Variants in NWD2 observed in about 807,000 individuals in gnomAD.
The protein encoded by NWD2 is NACHT and WD repeat domain containing 2.
A neutral mutation model predicts 132.7 loss-of-function variants in NWD2; 37 were observed. The observed-to-expected ratio is 0.28, with a 90% CI of 0.21 to 0.37. The LOEUF is 0.37. Ranked by LOEUF, NWD2 falls within the 10% of genes least tolerant of loss-of-function variation. The pLI, the probability that NWD2 is intolerant of heterozygous loss-of-function variation, is 1.00. For synonymous variants in NWD2, 705 were observed against 803.0 expected, an observed-to-expected ratio of 0.88 and a Z score of 2.06; for missense variants, 1,592 against 2,122.4, an observed-to-expected ratio of 0.75 and a Z score of 4.91.
chr4:37,403,078 A>T (rs1720927750), intron 3 of NWD2, among the ~76,000 whole-genome samples: 1 of 152,088 alleles, frequency 6.6e-6, no homozygotes, highest in Admixed American at 6.6e-5. Flanking sequence ...CTAGAAGAAA[A>T]GGTGTGGAGA....
chr4:37,348,136 G>T (rs28438951), intron 2 of NWD2, among the ~76,000 whole-genome samples: 2 of 152,094 alleles, frequency 1.3e-5, no homozygotes, highest in Admixed American at 6.6e-5. Context: ...TAAGGATCTC[G>T]AACTAAGAAG....
chr4:37,262,015 T>C (rs531123646), intron 1 of NWD2, among the ~76,000 whole-genome samples: 13 of 152,310 alleles, frequency 8.5e-5, no homozygotes, highest in African/African-American at 3.1e-4. Context: ...GGAAAGTAGA[T>C]GGAGACAAAG....
At position 37,394,808 on chromosome 4, in the gene NWD2, T is replaced by TGTTTTGTTTTG. The variant is rs374102660; in HGVS notation, c.358-35764_358-35763insGTTTTGTTTTG. 1.7e-3 allele frequency among the ~76,000 whole-genome samples: 160 copies of TGTTTTGTTTTG among 95,586 alleles called. 6 individuals carry two copies. Among genetic ancestry groups the TGTTTTGTTTTG allele is most frequent in the East Asian group, 3.5e-3 (11 of 3,144 alleles). The allele number at this position is 95,586 out of a possible 152,430, so 62.7% of individuals were successfully genotyped here. A position where few individuals can be genotyped will look rare whatever the true frequency, so the allele number is the denominator to read the frequency against. On this transcript the variant is annotated intron_variant, in intron 3 of 6. Coordinates refer to ENST00000309447, the MANE Select transcript of NWD2 (RefSeq NM_001144990.2). Reference sequence around the variant, plus strand: ...ATAGTGAACCTTTATGGTTTTTTTTTTTTTTTTTTTTTTTTTTTTTGAGGC... The same window carrying TGTTTTGTTTTG: ...ATAGTGAACCTTTATGGTTTTTTTTTGTTTTGTTTTGTTTTTTTTTTTTTTTTTTTTGAGGC...
intron 3 of NWD2, among the ~76,000 whole-genome samples, chr4:37,415,489 G>T (rs948872410): frequency 3.3e-5 from 5 of 152,112 alleles, no homozygotes; most frequent in African/African-American, 1.2e-4. Flanking sequence ...TGGATCACGA[G>T]GTCAGGAAAT....
chr4:37,382,452 C>T (rs754972002), intron 3 of NWD2, among the ~76,000 whole-genome samples: 5 of 152,148 alleles, frequency 3.3e-5, no homozygotes, highest in Non-Finnish European at 5.9e-5. Flanking sequence ...CATCACAAGA[C>T]ATGACATTGA....
intron 1 of NWD2, among the ~76,000 whole-genome samples, chr4:37,316,480 TG>T (rs1718960231): frequency 6.6e-6 from 1 of 152,140 alleles, no homozygotes; most frequent in African/African-American, 2.4e-5. Flanking sequence ...TTATCCTAGT[TG>T]GGTTCTTGAA....
intron 1 of NWD2, among the ~76,000 whole-genome samples, chr4:37,309,961 T>G (rs1718796292): frequency 6.6e-6 from 1 of 152,194 alleles, no homozygotes; most frequent in South Asian, 2.1e-4. Flanking sequence ...GATAACATCT[T>G]TCAAGTTTTC....
chr4:37,267,384 G>A (rs956259417), intron 1 of NWD2, among the ~76,000 whole-genome samples: 3 of 151,958 alleles, frequency 2.0e-5, no homozygotes, highest in East Asian at 1.9e-4. Flanking sequence ...AGAGAAGAGA[G>A]TGCTGAGGAG....
chr4:37,444,292 AG>A lies in NWD2; in HGVS notation c.2309del (p.Gly770AlafsTer13). The A allele has an allele frequency of 6.4e-7, 1 of 1,551,678 alleles. No homozygotes were observed. Among genetic ancestry groups the A allele is most frequent in the Non-Finnish European group, 8.7e-7 (1 of 1,146,938 alleles). ...CAGATTATTTTCTGGGGGTTTGGTC[AG>A]GGGGCAGGAGGAAAGCCTTCTGCCT... Reference protein sequence around the residue: ...LADYFLGVWSGGRRKAFCLED... With the variant: ...LADYFLGVWSXGRRKAFCLED... On this transcript the variant is annotated frameshift_variant, in exon 7 of 7. Transcript: ENST00000309447. LOFTEE classifies it high-confidence loss of function. This position sits in a 1 kb window ranked among gnomAD's most constrained non-coding sequence, Gnocchi z 4.8.
At chr4:37,433,743 G>C (rs2109327187) in intron 4 of NWD2, 133 bp from the exon 5 acceptor site, 1 of 600,664 alleles carries the variant, frequency 1.7e-6, no homozygotes, top group South Asian at 3.7e-5. Context: ...GATTAAATTA[G>C]ACACTGTCTG....
intron 2 of NWD2, among the ~76,000 whole-genome samples, chr4:37,333,674 C>G (rs1375440271): frequency 6.6e-6 from 1 of 152,052 alleles, no homozygotes; most frequent in Non-Finnish European, 1.5e-5. Flanking sequence ...TACCCAGACA[C>G]CAACAAATAT....
chr4:37,367,445 C>T lies in NWD2; in HGVS notation c.357+10963C>T, dbSNP rs575604272. 7.9e-5 allele frequency among the ~76,000 whole-genome samples: 12 copies of T among 151,996 alleles called. No homozygotes were observed. In the South Asian group the frequency reaches 1.9e-3, roughly 24 times the overall value. Reference sequence around the variant, plus strand: ...ATTTGAAAATTAATGATTTAAGTGTCAATCTGTCAAGAGGATAGAAAAAAA... The same window carrying T: ...ATTTGAAAATTAATGATTTAAGTGTTAATCTGTCAAGAGGATAGAAAAAAA... On this transcript the variant is annotated intron_variant, in intron 3 of 6. Transcript: ENST00000309447.
chr4:37,357,930 G>A (rs892010031), intron 3 of NWD2, among the ~76,000 whole-genome samples: 30 of 152,226 alleles, frequency 2.0e-4, no homozygotes, highest in African/African-American at 7.2e-4. Flanking sequence ...GGTATTCCAG[G>A]AAGAGGGGTT....
chr4:37,337,177 T>C (rs1719427201), intron 2 of NWD2, among the ~76,000 whole-genome samples: 1 of 152,196 alleles, frequency 6.6e-6, no homozygotes, highest in Admixed American at 6.5e-5. Context: ...TGTATTAATC[T>C]TGAAACTTAA....
At position 37,245,048 on chromosome 4, in the gene NWD2, G is replaced by T; in HGVS notation, c.-20G>T. ...GCAGGAGGTGGCGGCGGCGGCAGTG[G>T]CTGTTCCTCCCAGAGGGCGATGTGG... is the stretch of plus-strand genomic sequence containing the variant. On this transcript the variant is annotated 5_prime_UTR_variant, in exon 1 of 7. Transcript: ENST00000309447. 6.5e-7 allele frequency: 1 copy of T among 1,542,956 alleles called. No homozygotes were observed. The highest frequency in any genetic ancestry group is 8.7e-7 in the Non-Finnish European group (1 of 1,146,294).
At chr4:37,369,749 T>G (rs942834981) in intron 3 of NWD2, among the ~76,000 whole-genome samples, 1 of 152,212 alleles carries the variant, frequency 6.6e-6, no homozygotes, top group Non-Finnish European at 1.5e-5. Flanking sequence ...AGTAGGTATT[T>G]TCTTCCCAAC....
At position 37,446,902 on chromosome 4, in the gene NWD2, G is replaced by T. The variant is rs369544931; in HGVS notation, c.4914G>T (p.Gly1638=). Residue 1638 remains glycine, a synonymous_variant, in exon 7 of 7, where the codon GGG becomes GGT. Transcript: ENST00000309447. The surrounding 1 kb of genome is among the most constrained non-coding windows in gnomAD (Gnocchi z 6.7). ...HLNIIVGFDD[G]SIGIYTVVDR... ...ACATCATTGTGGGCTTTGATGATGG[G>T]AGTATAGGGATCTACACGGTAGTAG... The T allele has an allele frequency of 1.3e-6, 2 of 1,551,742 alleles. No homozygotes were observed. Among genetic ancestry groups the T allele is most frequent in the Middle Eastern group, 1.7e-4 (1 of 5,994 alleles).
chr4:37,383,616 C>T (rs1026526233), intron 3 of NWD2, among the ~76,000 whole-genome samples: 1 of 152,142 alleles, frequency 6.6e-6, no homozygotes, highest in Non-Finnish European at 1.5e-5. Flanking sequence ...GCCCCCTACG[C>T]TGGCTCTATC....
chr4:37,253,855 A>G (rs2109256262), intron 1 of NWD2, among the ~76,000 whole-genome samples: 1 of 152,380 alleles, frequency 6.6e-6, no homozygotes, highest in Non-Finnish European at 1.5e-5. Flanking sequence ...ATGGCAAATG[A>G]TGATTCTACA....
Sources: gnomAD v4.1 joint callset for allele counts (sites outside exome capture counted in the v4.1 genomes callset) on GRCh38, gnomAD v4.1.1 for gene constraint, Gnocchi (gnomAD v3.1) non-coding constraint, MANE v1.5 for transcripts, NCBI Gene and HGNC (gene_info 2026-07-23, HGNC 2026-07-21) for gene names.